YBX3: variants seen among roughly 807,000 people sequenced by gnomAD.
YBX3 encodes Y-box binding protein 3.
YBX3 carries 29 observed loss-of-function variants against 42.4 expected under a neutral mutation model. The observed-to-expected ratio is 0.68, with a 90% CI of 0.51 to 0.93. YBX3 has a LOEUF of 0.93. YBX3 is among the 40% of genes least tolerant of loss of function. The probability of loss-of-function intolerance (pLI) is 0.00; values close to 1 mark genes in which losing one functional copy is unlikely to be tolerated. For synonymous variants in YBX3, 195 were observed against 189.8 expected (o/e 1.03, Z -0.22); for missense variants, 517 against 527.5 (o/e 0.98, Z 0.19).
chr12:10,708,350 A>C (rs545570790), intron 6 of YBX3, among the ~76,000 whole-genome samples: 1 of 152,158 alleles, frequency 6.6e-6, no homozygotes, highest in East Asian at 1.9e-4. Flanking sequence ...AATAAATTTC[A>C]TAGCGTTGTA....
Position 10,709,944 on chromosome 12 carries a change from A to T in YBX3, c.744T>A (p.Arg248=). Residue 248 remains arginine, a synonymous_variant, in exon 6 of 10, where the codon CGT becomes CGA. Transcript: ENST00000228251. Reference sequence around the variant, plus strand: ...TGGGATGGGGTAAGACCCGTGAGCGACGGTCAAAGGTCTGTCCCACGTGGT... The same window carrying T: ...TGGGATGGGGTAAGACCCGTGAGCGTCGGTCAAAGGTCTGTCCCACGTGGT... The part of the protein sequence containing the change: ...PPYHVGQTFD[R]RSRVLPHPNR... 1.2e-6 allele frequency: 2 copies of T among 1,614,206 alleles called. No homozygotes were observed.
rs1048051292 is a variant in YBX3, at chr12:10,723,184, C to T, written c.-73G>A. On this transcript the variant is annotated 5_prime_UTR_variant, in exon 1 of 10. Transcript: ENST00000228251. ...CGGCGGTTAGCGCGGCTGGTGGTCG[C>T]GGCGGCCGGGGCTCGCTCTCGGGGA... 4 of 1,181,368 alleles carry T rather than the reference C, an allele frequency of 3.4e-6. No homozygotes were observed. The highest frequency in any genetic ancestry group is 1.6e-5 in the African/African-American group (1 of 62,056). 73.2% of individuals were successfully genotyped at this position (1,181,368 alleles called of 1,614,324 possible).
At chr12:10,708,911 A>G (rs1159880213) in intron 6 of YBX3, among the ~76,000 whole-genome samples, 1 of 152,256 alleles carries the variant, frequency 6.6e-6, no homozygotes, top group Non-Finnish European at 1.5e-5. Context: ...AAATAAGTGC[A>G]TATTACAATC....
chr12:10,718,222 C>T, intron 2 of YBX3, 101 bp from the exon 3 acceptor site: 11 of 1,018,068 alleles, frequency 1.1e-5, no homozygotes, highest in Middle Eastern at 2.1e-4. Context: ...CCTCAAAACA[C>T]AACATATATT....
At chr12:10,705,946 G>C (rs1948132333) in intron 6 of YBX3, among the ~76,000 whole-genome samples, 1 of 152,030 alleles carries the variant, frequency 6.6e-6, no homozygotes, top group African/African-American at 2.4e-5. Context: ...CTCTGTCCCA[G>C]CTCTGAAATC....
In YBX3 at chr12:10,723,053, G is replaced by A. The variant is rs965545212; in HGVS notation, c.59C>T (p.Thr20Met). 2 of 1,206,858 alleles carry A rather than the reference G, an allele frequency of 1.7e-6. No homozygotes were observed. The highest frequency in any genetic ancestry group is 2.1e-6 in the Non-Finnish European group (2 of 973,560). 74.8% of individuals were successfully genotyped at this position (1,206,858 alleles called of 1,614,324 possible). ...TTTTTLPQAP[T>M]EAAAAAPQDP... is the part of the protein sequence containing the mutation. ...CTGGGGAGCCGCGGCGGCCGCCTCC[G>A]TCGGAGCCTGCGGGAGGGTGGTGGT... The change falls in exon 1 of 10, where the codon ACG (threonine) becomes ATG (methionine). Residue 20 changes from threonine to methionine, a missense_variant. By Grantham distance (81) the Thr-to-Met change is moderately conservative. Coordinates refer to ENST00000228251, the MANE Select transcript of YBX3 (RefSeq NM_003651.5).
chr12:10,704,034 T>A lies in YBX3; in HGVS notation c.878+17A>T, dbSNP rs757609940. On this transcript the variant is annotated intron_variant, in intron 7 of 9. Transcript: ENST00000228251. ...CACAAGTCCTTTAACTGGCCATTAG[T>A]GGAAAATGCGACATACCTACGGTAC... The A allele has an allele frequency of 1.2e-6, 2 of 1,613,176 alleles. No homozygotes were observed. Among genetic ancestry groups the A allele is most frequent in the South Asian group, 1.1e-5 (1 of 91,040 alleles).
At chr12:10,705,600 A>G (rs1267065027) in intron 6 of YBX3, among the ~76,000 whole-genome samples, 1 of 152,200 alleles carries the variant, frequency 6.6e-6, no homozygotes, top group African/African-American at 2.4e-5. Context: ...GTTCACTTTG[A>G]TAAGTGGTTA....
intron 5 of YBX3, chr12:10,710,634 A>G: frequency 8.4e-7 from 1 of 1,189,252 alleles, no homozygotes; most frequent in Non-Finnish European, 1.1e-6. Flanking sequence ...TTGCCATAAT[A>G]TTACTAAGAT....
chr12:10,717,140 T>G (rs1229965952), intron 3 of YBX3, among the ~76,000 whole-genome samples: 2 of 152,166 alleles, frequency 1.3e-5, no homozygotes, highest in African/African-American at 2.4e-5. Context: ...TCCAGTCAAG[T>G]AGAAATATAA....
At chr12:10,716,134 T>C (rs1175936131) in intron 3 of YBX3, 2 of 181,406 alleles carry the variant, frequency 1.1e-5, no homozygotes, top group Non-Finnish European at 1.1e-5. Flanking sequence ...AGAGATTCTC[T>C]GAATCTCCGG....
intron 6 of YBX3, among the ~76,000 whole-genome samples, chr12:10,706,972 G>A (rs752424751): frequency 7.9e-5 from 12 of 152,036 alleles, no homozygotes; most frequent in Admixed American, 2.0e-4. Flanking sequence ...AGCCGAGATC[G>A]TGTCACTGCA....
chr12:10,723,057 G>C lies in YBX3; in HGVS notation c.55C>G (p.Pro19Ala), dbSNP rs989330977. 2.5e-6 allele frequency: 3 copies of C among 1,207,948 alleles called. No homozygotes were observed. Among genetic ancestry groups the C allele is most frequent in the Admixed American group, 8.8e-5 (2 of 22,656 alleles). The allele number at this position is 1,207,948 out of a possible 1,614,324, so 74.8% of individuals were successfully genotyped here. A position where few individuals can be genotyped will look rare whatever the true frequency, so the allele number is the denominator to read the frequency against. ...TTTTTTLPQAPTEAAAAAPQD... is the reference protein window; with the variant it reads ...TTTTTTLPQAATEAAAAAPQD... The stretch of plus-strand genomic sequence containing the variant: ...GGAGCCGCGGCGGCCGCCTCCGTCG[G>C]AGCCTGCGGGAGGGTGGTGGTGGTG... The change falls in exon 1 of 10, where the codon CCG becomes GCG. Residue 19 changes from proline (P) to alanine (A), a missense_variant. Physicochemically the swap from Pro to Ala is conservative, Grantham distance 27. Transcript: ENST00000228251.
At chr12:10,709,028 T>C (rs1205649828) in intron 6 of YBX3, among the ~76,000 whole-genome samples, 1 of 152,194 alleles carries the variant, frequency 6.6e-6, no homozygotes, top group African/African-American at 2.4e-5. Context: ...ACTTGTTATT[T>C]TTAGCACATT....
intron 7 of YBX3, chr12:10,703,722 T>C (rs1003966432): frequency 6.3e-6 from 2 of 317,762 alleles, no homozygotes; most frequent in Non-Finnish European, 1.2e-5. Flanking sequence ...AAATATCCTC[T>C]GACACTCAAT....
intron 5 of YBX3, chr12:10,711,756 C>T (rs772874922): frequency 6.6e-6 from 1 of 152,104 alleles, no homozygotes; most frequent in East Asian, 1.9e-4. Flanking sequence ...GTTTCTTAAG[C>T]GTTTTAACAA....
chr12:10,722,975 G>C lies in YBX3; in HGVS notation c.137C>G (p.Pro46Arg). The part of the protein sequence containing the change: ...VGSGAPQAAA[P>R]APAAHVAGNP... ...TCCTGCGACGTGGGCGGCGGGCGCC[G>C]GGGCCGCGGCCTGGGGCGCACCGCT... The change falls in exon 1 of 10, where the codon CCG becomes CGG. Residue 46 changes from proline to arginine, a missense_variant. Physicochemically the swap from Pro to Arg is moderately radical, Grantham distance 103 (BLOSUM62 -2). This residue lies in a region of YBX3 where 86 missense variants were observed against 82.5 expected (regional missense o/e 1.04). Transcript: ENST00000228251. 2 of 1,236,620 alleles carry C rather than the reference G, an allele frequency of 1.6e-6. No individual in the cohort carries two copies. Among genetic ancestry groups the C allele is most frequent in the South Asian group, 3.7e-5 (1 of 27,146 alleles). 76.6% of individuals were successfully genotyped at this position (1,236,620 alleles called of 1,614,324 possible). A position where few individuals can be genotyped will look rare whatever the true frequency, so the allele number is the denominator to read the frequency against.
chr12:10,722,755 G>C, intron 1 of YBX3, 95 bp downstream of exon 1: 1 of 1,128,342 alleles, frequency 8.9e-7, no homozygotes, highest in East Asian at 3.3e-5. Flanking sequence ...TCTCCAGCCC[G>C]GGTGGGAGAT....
rs1948148291 is a variant in YBX3 at position 10,707,196 on chromosome 12, G to GT, written c.780+2711dup. ...ACTCCCAAAAATGTTGTCAACCACTGTATCTAAGACTACACCTTCCATCCT... is the reference window on the plus strand; with the variant it reads ...ACTCCCAAAAATGTTGTCAACCACTGTTATCTAAGACTACACCTTCCATCCT... On this transcript the variant is annotated intron_variant, in intron 6 of 9. Transcript: ENST00000228251. Among the ~76,000 whole-genome samples the GT allele has an allele frequency of 2.6e-5, 4 of 151,888 alleles. No homozygotes were observed. In the South Asian group the frequency reaches 8.3e-4, roughly 31 times the overall value.
Sources: gnomAD v4.1 joint callset for allele counts (sites outside exome capture counted in the v4.1 genomes callset) on GRCh38, gnomAD v4.1.1 for gene constraint, gnomAD v4.1.1 regional missense constraint, MANE v1.5 for transcripts, NCBI Gene and HGNC (gene_info 2026-07-23, HGNC 2026-07-21) for gene names.